Variants in COL5A2 observed in about 807,000 individuals in gnomAD.
COL5A2 encodes the protein collagen alpha-2(V) chain.
Under a neutral mutation model 208.2 loss-of-function variants are expected in COL5A2, and 23 were observed. The ratio of observed to expected loss-of-function variants is 0.11; its 90% CI spans 0.08 to 0.16. The LOEUF is 0.16. Ranked by LOEUF, COL5A2 falls within the 10% of genes least tolerant of loss-of-function variation. The pLI, the probability that COL5A2 is intolerant of heterozygous loss-of-function variation, is 1.00. For missense variants in COL5A2, 1,590 were observed against 1,956.4 expected (o/e 0.81, Z 3.53); for synonymous variants, 625 against 628.5 (o/e 0.99, Z 0.08).
At chr2:189,430,693 G>A in the COL5A2 span, among the ~76,000 whole-genome samples, 2 of 25,202 alleles carry the variant, frequency 7.9e-5, no homozygotes, top group Admixed American at 9.8e-4. Flanking sequence ...AGCTTGAACT[G>A]GGTGGAGGCC....
the COL5A2 span, among the ~76,000 whole-genome samples, chr2:189,300,713 T>G: frequency 1.3e-5 from 2 of 152,334 alleles, no homozygotes; most frequent in Non-Finnish European, 2.9e-5. Context: ...ATGTGCAAAG[T>G]GGCATCCATA....
In COL5A2 at chr2:189,114,314, G is replaced by C. The variant is rs538600761; in HGVS notation, c.98-3865C>G. Among the ~76,000 whole-genome samples the C allele has an allele frequency of 3.9e-5, 6 of 151,964 alleles. No individual in the cohort carries two copies. The East Asian group carries it at 1.2e-3, about 29-fold the overall frequency. On this transcript the variant is annotated intron_variant, in intron 1 of 53. Coordinates refer to ENST00000374866, the MANE Select transcript of COL5A2 (RefSeq NM_000393.5). ...AAGAAACAGTGGGTAGAAAATACAGGGTGTCTTGCAGTTTTCACGGATCTA... is the reference window on the plus strand; with the variant it reads ...AAGAAACAGTGGGTAGAAAATACAGCGTGTCTTGCAGTTTTCACGGATCTA...
chr2:189,414,329 A>C, the COL5A2 span, among the ~76,000 whole-genome samples: 1 of 152,200 alleles, frequency 6.6e-6, no homozygotes, highest in Non-Finnish European at 1.5e-5. Context: ...ATTGTAACAT[A>C]ATATGCACAG....
the COL5A2 span, among the ~76,000 whole-genome samples, chr2:189,431,419 C>T: frequency 1.3e-5 from 2 of 151,968 alleles, no homozygotes; most frequent in Non-Finnish European, 2.9e-5. Flanking sequence ...CATGTTTTAA[C>T]CCATCACAAA....
intron 1 of COL5A2, among the ~76,000 whole-genome samples, chr2:189,202,981 T>C (rs182342460): frequency 3.3e-5 from 5 of 152,258 alleles, no homozygotes; most frequent in Admixed American, 3.3e-4. Flanking sequence ...TTTTTTCCTA[T>C]GGTAGAATGG....
the COL5A2 span, among the ~76,000 whole-genome samples, chr2:189,394,593 C>T: frequency 5.3e-5 from 8 of 152,198 alleles, no homozygotes; most frequent in Non-Finnish European, 1.2e-4. Context: ...CTTCCATCTT[C>T]CAGAACCATG....
At chr2:189,046,920 G>A (rs1445273473) in intron 45 of COL5A2, among the ~76,000 whole-genome samples, 1 of 151,890 alleles carries the variant, frequency 6.6e-6, no homozygotes, top group African/African-American at 2.4e-5. Context: ...TCAAGAGATC[G>A]AGACCATCCT....
At position 189,036,780 on chromosome 2, in the gene COL5A2, G is replaced by T. The variant is rs2153506166; in HGVS notation, c.3949C>A (p.Gln1317Lys). Residue 1317 changes from glutamine to lysine, a missense_variant, in exon 52 of 54, where the codon CAA (glutamine) becomes AAA (lysine). Transcript: ENST00000374866. Reference sequence around the variant, plus strand: ...TTGATTGCATCTTCAACAGATCCTTGGTTAGGATCAATCCAGTATTCACCT... The same window carrying T: ...TTGATTGCATCTTCAACAGATCCTTTGTTAGGATCAATCCAGTATTCACCT... ...QSGEYWIDPN[Q>K]GSVEDAIKVY... The T allele has an allele frequency of 6.2e-7, 1 of 1,612,454 alleles. No individual in the cohort carries two copies. Among genetic ancestry groups the T allele is most frequent in the Non-Finnish European group, 8.5e-7 (1 of 1,178,930 alleles).
chr2:189,334,056 CA>C, the COL5A2 span, among the ~76,000 whole-genome samples: 5 of 151,650 alleles, frequency 3.3e-5, no homozygotes, highest in African/African-American at 1.2e-4. Context: ...CTATATTTAA[CA>C]ATATTAAACA....
the COL5A2 span, among the ~76,000 whole-genome samples, chr2:189,429,487 A>G: frequency 6.6e-6 from 1 of 152,204 alleles, no homozygotes; most frequent in African/African-American, 2.4e-5. Flanking sequence ...TTTTAAAAGT[A>G]TAACTTCAGT....
intron 15 of COL5A2, 68 bp downstream of exon 15, chr2:189,078,995 T>C: frequency 8.1e-7 from 1 of 1,232,704 alleles, no homozygotes; most frequent in South Asian, 1.2e-5. Context: ...AAAAATTCTC[T>C]TGTTGTAATC....
chr2:189,057,568 GTC>G (rs1343773782), intron 33 of COL5A2, 141 bp from the exon 34 acceptor site: 1 of 669,804 alleles, frequency 1.5e-6, no homozygotes, highest in African/African-American at 1.8e-5. Flanking sequence ...TGAGAAAGTT[GTC>G]TCTGAGTGAG....
the COL5A2 span, among the ~76,000 whole-genome samples, chr2:189,374,711 T>A: frequency 1.5e-3 from 234 of 152,328 alleles, 1 homozygote; most frequent in Admixed American, 0.013. Flanking sequence ...TACTGTTGCA[T>A]CTTACTGTAA....
At chr2:189,184,039 C>T (rs1011095186), upstream of COL5A2, among the ~76,000 whole-genome samples, 1 of 152,152 alleles carries the variant, frequency 6.6e-6, no homozygotes, top group South Asian at 2.1e-4. Context: ...GTGAACAACA[C>T]AGACAAGGTC....
intron 1 of COL5A2, among the ~76,000 whole-genome samples, chr2:189,178,778 G>C (rs1215184692): frequency 2.0e-5 from 3 of 146,482 alleles, no homozygotes; most frequent in Non-Finnish European, 3.0e-5. Context: ...TGCCAAATAA[G>C]ATATATACAA....
chr2:189,172,718 G>A (rs1688594447), intron 1 of COL5A2, among the ~76,000 whole-genome samples: 1 of 152,080 alleles, frequency 6.6e-6, no homozygotes, highest in African/African-American at 2.4e-5. Context: ...TACGTTGCAA[G>A]TAGTGTTTCC....
the COL5A2 span, among the ~76,000 whole-genome samples, chr2:189,275,858 TTA>T: frequency 6.6e-6 from 1 of 152,208 alleles, no homozygotes; most frequent in Non-Finnish European, 1.5e-5. Context: ...CAGATTACTA[TTA>T]GTTTACTCTG....
Position 189,075,392 on chromosome 2 carries a change from C to A in COL5A2, c.1104+1G>T. ...ATTAATATGAAAATAATATAACTCACCATTGGTCCAGGTTTTCCAGGCATA... is the reference window on the plus strand; with the variant it reads ...ATTAATATGAAAATAATATAACTCAACATTGGTCCAGGTTTTCCAGGCATA... On this transcript the variant is annotated splice_donor_variant, in intron 17 of 53. Coordinates refer to ENST00000374866, the MANE Select transcript of COL5A2 (RefSeq NM_000393.5). LOFTEE classifies it high-confidence loss of function. The A allele has an allele frequency of 6.3e-7, 1 of 1,592,126 alleles. No individual in the cohort carries two copies. The highest frequency in any genetic ancestry group is 1.1e-5 in the South Asian group (1 of 90,478).
intron 1 of COL5A2, among the ~76,000 whole-genome samples, chr2:189,187,167 C>T (rs930688678): frequency 6.6e-6 from 1 of 152,162 alleles, no homozygotes; most frequent in Non-Finnish European, 1.5e-5. Context: ...CTCTTTGAGA[C>T]TTACAATAAC....
Sources: gnomAD v4.1 joint callset for allele counts (sites outside exome capture counted in the v4.1 genomes callset) on GRCh38, gnomAD v4.1.1 for gene constraint, MANE v1.5 for transcripts, NCBI Gene and HGNC (gene_info 2026-07-23, HGNC 2026-07-21) for gene names.